Variants in ST6GALNAC3 observed in about 807,000 individuals in gnomAD.
The protein encoded by ST6GALNAC3 is ST6 N-acetylgalactosaminide alpha-2,6-sialyltransferase 3, also known as alpha-N-acetylgalactosaminide alpha-2,6-sialyltransferase 3.
In ST6GALNAC3, 25 loss-of-function variants were observed where a neutral mutation model predicts 32.7. That is an observed-to-expected ratio of 0.76 (90% CI 0.56 to 1.07). The LOEUF is 1.07. Ranked by LOEUF, ST6GALNAC3 falls within the 50% of genes least tolerant of loss-of-function variation. The pLI is 0.00. For synonymous variants in ST6GALNAC3, 129 were observed against 133.1 expected (o/e 0.97, Z 0.21); for missense variants, 355 against 382.4 (o/e 0.93, Z 0.60).
At chr1:76,134,362 A>G (rs928121091) in intron 1 of ST6GALNAC3, among the ~76,000 whole-genome samples, 5 of 152,224 alleles carry the variant, frequency 3.3e-5, no homozygotes, top group Admixed American at 3.3e-4. Flanking sequence ...GACTGAATTG[A>G]GAATGAGTAA....
intron 1 of ST6GALNAC3, among the ~76,000 whole-genome samples, chr1:76,091,515 A>G (rs1220641411): frequency 6.6e-6 from 1 of 152,218 alleles, no homozygotes; most frequent in Non-Finnish European, 1.5e-5. Context: ...TGATGGAGTC[A>G]TCCTATGCTC....
intron 1 of ST6GALNAC3, among the ~76,000 whole-genome samples, chr1:76,080,830 A>G (rs1236388341): frequency 6.6e-6 from 1 of 152,178 alleles, no homozygotes; most frequent in Non-Finnish European, 1.5e-5. Flanking sequence ...ACTTCATTTA[A>G]TAAATCTGCT....
rs369016477 is a variant in ST6GALNAC3 at position 76,489,281 on chromosome 1, GGT to G, written c.623+76881_623+76882del. Among the ~76,000 whole-genome samples the G allele has an allele frequency of 3.3e-4, 50 of 151,096 alleles. 1 individual carries two copies. Among genetic ancestry groups the G allele is most frequent in the East Asian group, 1.6e-3 (8 of 5,154 alleles). ...ACTGTTGGAAGAAACATATTTTGCA[GGT>G]GTGTGTGTGTGTGTGTAAAACTATT... On this transcript the variant is annotated intron_variant, in intron 3 of 4. Transcript: ENST00000328299.
intron 2 of ST6GALNAC3, among the ~76,000 whole-genome samples, chr1:76,407,384 G>A (rs1228866839): frequency 6.6e-6 from 1 of 152,022 alleles, no homozygotes; most frequent in Non-Finnish European, 1.5e-5. Context: ...GAAACCAGAT[G>A]TGCTGGTATA....
chr1:76,077,496 G>A (rs1646833125), intron 1 of ST6GALNAC3, among the ~76,000 whole-genome samples: 2 of 152,162 alleles, frequency 1.3e-5, no homozygotes, highest in South Asian at 4.1e-4. Flanking sequence ...AAGAAGGGGA[G>A]AGGCCTGAGA....
chr1:76,314,289 T>G (rs1010270150), intron 2 of ST6GALNAC3, among the ~76,000 whole-genome samples: 9 of 152,084 alleles, frequency 5.9e-5, no homozygotes, highest in Admixed American at 2.0e-4. Context: ...ATCTCTCCAT[T>G]TAGAAGCTCT....
At position 76,629,879 on chromosome 1, in the gene ST6GALNAC3, A is replaced by G. The variant is rs1234697401; in HGVS notation, c.*1073A>G. The G allele has an allele frequency of 1.0e-6, 1 of 984,904 alleles. No homozygotes were observed. The highest frequency in any genetic ancestry group is 1.1e-4 in the East Asian group (1 of 8,810). The allele number at this position is 984,904 out of a possible 1,614,324, so 61.0% of individuals were successfully genotyped here. A position where few individuals can be genotyped will look rare whatever the true frequency, so the allele number is the denominator to read the frequency against. On this transcript the variant is annotated 3_prime_UTR_variant, in exon 5 of 5. Coordinates refer to ENST00000328299, the MANE Select transcript of ST6GALNAC3 (RefSeq NM_152996.4). ...TTCTCATTGCCAAGTGCCAGCTGTT[A>G]CACATGGAGAGGAAATGATTCCTTA...
intron 2 of ST6GALNAC3, among the ~76,000 whole-genome samples, chr1:76,385,027 A>G (rs1053720131): frequency 1.3e-5 from 2 of 152,178 alleles, no homozygotes; most frequent in Non-Finnish European, 2.9e-5. Context: ...TATTTCATTT[A>G]TATAAGCCAA....
chr1:76,473,024 T>G (rs773592345), intron 3 of ST6GALNAC3, among the ~76,000 whole-genome samples: 1 of 152,058 alleles, frequency 6.6e-6, no homozygotes, highest in African/African-American at 2.4e-5. Context: ...AAATCTTGGA[T>G]AGAAGGGGCT....
intron 1 of ST6GALNAC3, among the ~76,000 whole-genome samples, chr1:76,228,743 A>G (rs1173259823): frequency 6.6e-6 from 1 of 152,228 alleles, no homozygotes; most frequent in Non-Finnish European, 1.5e-5. Flanking sequence ...GTCAGAAAAC[A>G]TAAAGTGTGT....
rs532999793 is a variant in ST6GALNAC3, at chr1:76,181,491, A to G, written c.18+106607A>G. Among the ~76,000 whole-genome samples the G allele has an allele frequency of 2.1e-5, 3 of 144,474 alleles. No homozygotes were observed. In the East Asian group the frequency reaches 5.9e-4, roughly 28 times the overall value. 94.8% of individuals were successfully genotyped at this position (144,474 alleles called of 152,430 possible). ...CAAGTCATTAAAATTAAATATAACT[A>G]TGAATGGAGAGTGTTTTATTCTTTC... On this transcript the variant is annotated intron_variant, in intron 1 of 4. Transcript: ENST00000328299.
chr1:76,594,817 A>G (rs1455373602), intron 3 of ST6GALNAC3, among the ~76,000 whole-genome samples: 2 of 152,218 alleles, frequency 1.3e-5, no homozygotes, highest in Non-Finnish European at 1.5e-5. Context: ...GTCTAGATAT[A>G]TAAGAGAATA....
chr1:76,300,099 G>A (rs1455229789), intron 1 of ST6GALNAC3, among the ~76,000 whole-genome samples: 1 of 151,992 alleles, frequency 6.6e-6, no homozygotes, highest in African/African-American at 2.4e-5. Context: ...AAATATGGAG[G>A]TGGGTTCTCA....
chr1:76,329,750 T>A (rs1352178043), intron 2 of ST6GALNAC3, among the ~76,000 whole-genome samples: 3 of 152,156 alleles, frequency 2.0e-5, no homozygotes, highest in Non-Finnish European at 4.4e-5. Context: ...TAACAAATAA[T>A]CTTGTGGCTT....
At chr1:76,618,625 ACT>A (rs1349164289) in intron 3 of ST6GALNAC3, among the ~76,000 whole-genome samples, 6 of 152,078 alleles carry the variant, frequency 3.9e-5, no homozygotes, top group East Asian at 1.9e-4. Flanking sequence ...ATCAGCTATA[ACT>A]CTGCTAAGCT....
intron 2 of ST6GALNAC3, among the ~76,000 whole-genome samples, chr1:76,379,579 T>A (rs1380658536): frequency 6.6e-6 from 1 of 152,122 alleles, no homozygotes; most frequent in Non-Finnish European, 1.5e-5. Flanking sequence ...TTGGGGTTAT[T>A]GAGAACTGAG....
chr1:76,287,705 C>T (rs1287622108), intron 1 of ST6GALNAC3, among the ~76,000 whole-genome samples: 1 of 152,152 alleles, frequency 6.6e-6, no homozygotes, highest in Admixed American at 6.5e-5. Flanking sequence ...CACACTGATA[C>T]CCCAGAATTT....
rs538206813 is a variant in ST6GALNAC3, at chr1:76,478,150, G to A, written c.623+65733G>A. Among the ~76,000 whole-genome samples the A allele has an allele frequency of 8.1e-4, 124 of 152,210 alleles. 1 individual carries two copies. The highest frequency in any genetic ancestry group is 1.2e-3 in the Non-Finnish European group (83 of 68,014). On this transcript the variant is annotated intron_variant, in intron 3 of 4. Transcript: ENST00000328299. ...ATGAACATGCACAGTCCTGTGTGTT[G>A]CATCTCCTAATCTCATCTGATTCTC...
At chr1:76,618,875 G>C (rs376851545) in intron 3 of ST6GALNAC3, among the ~76,000 whole-genome samples, 16 of 152,248 alleles carry the variant, frequency 1.1e-4, no homozygotes, top group African/African-American at 3.8e-4. Flanking sequence ...AATTCAATGA[G>C]GCAGAAAAGT....
Sources: allele counts gnomAD v4.1 joint callset (sites outside exome capture counted in the v4.1 genomes callset), GRCh38; gene constraint gnomAD v4.1.1; transcripts MANE v1.5; gene names NCBI Gene and HGNC (gene_info 2026-07-23, HGNC 2026-07-21).